The following GRIN2A variants were observed in gnomAD, a reference collection of about 807,000 sequenced individuals.
GRIN2A encodes glutamate receptor ionotropic, NMDA 2A.
GRIN2A carries 22 observed loss-of-function variants against 113.4 expected under a neutral mutation model. That is an observed-to-expected ratio of 0.19 (90% confidence interval 0.14 to 0.28). The LOEUF (loss-of-function observed/expected upper bound fraction) is 0.28. Among genes scored for constraint, GRIN2A ranks in the 10% least tolerant of loss-of-function variants. The pLI is 1.00. For synonymous variants in GRIN2A, 827 were observed against 738.4 expected, an observed-to-expected ratio of 1.12 and a Z score of -1.94; for missense variants, 1,502 against 1,887.0, an observed-to-expected ratio of 0.80 and a Z score of 3.78.
chr16:9,846,619 A>G (rs907940321), intron 5 of GRIN2A, among the ~76,000 whole-genome samples: 11 of 152,164 alleles, frequency 7.2e-5, no homozygotes, highest in African/African-American at 2.7e-4. Flanking sequence ...TTAATAAGTC[A>G]CATTCCCTAT....
In GRIN2A at chr16:10,113,829, A is replaced by C. The variant is rs188322757; in HGVS notation, c.414+66169T>G. Among the ~76,000 whole-genome samples the C allele has an allele frequency of 2.2e-4, 33 of 152,312 alleles. No individual in the cohort carries two copies. In the East Asian group the frequency reaches 5.6e-3, roughly 26 times the overall value. Reference sequence around the variant, plus strand: ...GACAGCGTTATTGAGTTGAAAATAAAATACACTCAGCATTATTTTTAACAA... The same window carrying C: ...GACAGCGTTATTGAGTTGAAAATAACATACACTCAGCATTATTTTTAACAA... On this transcript the variant is annotated intron_variant, in intron 2 of 12. Transcript: ENST00000330684.
At chr16:10,155,831 C>T (rs1393478675) in intron 2 of GRIN2A, among the ~76,000 whole-genome samples, 8 of 152,108 alleles carry the variant, frequency 5.3e-5, no homozygotes, top group South Asian at 4.2e-4. Context: ...TTCACTATCA[C>T]GAAAACAGCA....
At position 9,966,521 on chromosome 16, in the gene GRIN2A, T is replaced by C. The variant is rs534292898; in HGVS notation, c.415-27970A>G. 1.8e-4 allele frequency among the ~76,000 whole-genome samples: 27 copies of C among 152,336 alleles called. No homozygotes were observed. The East Asian group carries it at 5.2e-3, about 29-fold the overall frequency. On this transcript the variant is annotated intron_variant, in intron 2 of 12. Transcript: ENST00000330684. The stretch of plus-strand genomic sequence containing the variant: ...ACATTTTCTTGATCCACTCTATCAC[T>C]GATGGGCAAATATTTAGGTTGATTC...
chr16:10,129,462 G>C (rs752782032), intron 2 of GRIN2A, among the ~76,000 whole-genome samples: 4 of 152,186 alleles, frequency 2.6e-5, no homozygotes, highest in African/African-American at 9.6e-5. Context: ...AATGGCTAGA[G>C]TGGAGGCTAC....
At chr16:10,044,460 T>C (rs1304881018) in intron 2 of GRIN2A, among the ~76,000 whole-genome samples, 1 of 151,948 alleles carries the variant, frequency 6.6e-6, no homozygotes, top group African/African-American at 2.4e-5. Context: ...TTGATGTCTT[T>C]GCTGAGTCCT....
chr16:10,112,177 G>C (rs2048629511), intron 2 of GRIN2A: 1 of 584,930 alleles, frequency 1.7e-6, no homozygotes, highest in Non-Finnish European at 3.2e-6. Flanking sequence ...ACCTGGGTAG[G>C]CATCAACGTC....
intron 2 of GRIN2A, among the ~76,000 whole-genome samples, chr16:10,119,454 T>C (rs1230901367): frequency 6.6e-6 from 1 of 152,240 alleles, no homozygotes; most frequent in Non-Finnish European, 1.5e-5. Flanking sequence ...GCCTTAGTCA[T>C]CTCTGTAGCC....
chr16:10,179,893 C>CCCCAAACAAAAAAAAAAAA, intron 2 of GRIN2A, 105 bp downstream of exon 2: 1 of 719,816 alleles, frequency 1.4e-6, no homozygotes, highest in Non-Finnish European at 2.4e-6. Flanking sequence ...CCCCCACCCC[C>CCCCAAACAAAAAAAAAAAA]ACTTCACATC....
chr16:9,862,548 C>CT (rs2043089325), intron 4 of GRIN2A, among the ~76,000 whole-genome samples: 1 of 152,146 alleles, frequency 6.6e-6, no homozygotes, highest in Admixed American at 6.5e-5. Context: ...GCGGAAAAAT[C>CT]TTTGGAACAA....
intron 3 of GRIN2A, among the ~76,000 whole-genome samples, chr16:9,937,142 C>T (rs574436196): frequency 9.2e-5 from 14 of 152,068 alleles, no homozygotes; most frequent in Non-Finnish European, 1.9e-4. Flanking sequence ...ACCCCATTTA[C>T]CCTGATGTGA....
At chr16:9,951,087 T>C (rs1008528554) in intron 2 of GRIN2A, among the ~76,000 whole-genome samples, 1 of 152,008 alleles carries the variant, frequency 6.6e-6, no homozygotes, top group African/African-American at 2.4e-5. Context: ...ACCTGGTCAT[T>C]CTCCCATATA....
At chr16:10,111,465 C>A (rs1300775002) in intron 2 of GRIN2A, 2 of 616,924 alleles carry the variant, frequency 3.2e-6, no homozygotes, top group African/African-American at 1.8e-5. Context: ...TCGGCGCCAA[C>A]TGCCGCACCC....
intron 2 of GRIN2A, among the ~76,000 whole-genome samples, chr16:9,985,020 A>T (rs539287268): frequency 2.0e-4 from 30 of 152,288 alleles, no homozygotes; most frequent in African/African-American, 7.2e-4. Context: ...ACATGTGGAC[A>T]CACACTCATG....
chr16:10,074,204 A>T (rs1025967631), intron 2 of GRIN2A, among the ~76,000 whole-genome samples: 1 of 152,240 alleles, frequency 6.6e-6, no homozygotes, highest in Non-Finnish European at 1.5e-5. Flanking sequence ...CAGGATGGCT[A>T]AATTCAGAAG....
At chr16:10,158,234 G>A (rs1198769349) in intron 2 of GRIN2A, among the ~76,000 whole-genome samples, 3 of 152,120 alleles carry the variant, frequency 2.0e-5, no homozygotes, top group East Asian at 3.8e-4. Flanking sequence ...CAGACTCCTG[G>A]GCTCAAGAGA....
intron 2 of GRIN2A, among the ~76,000 whole-genome samples, chr16:10,175,459 TA>T (rs1416679097): frequency 1.3e-5 from 2 of 152,184 alleles, no homozygotes; most frequent in East Asian, 3.9e-4. Context: ...TAAAAGGAAA[TA>T]CACCAAAGTG....
chr16:9,988,080 C>T (rs903752924), intron 2 of GRIN2A, among the ~76,000 whole-genome samples: 1 of 152,100 alleles, frequency 6.6e-6, no homozygotes, highest in African/African-American at 2.4e-5. Flanking sequence ...GCCTCCAAAG[C>T]CCATATGGCT....
At chr16:10,115,474 T>C (rs953665527) in intron 2 of GRIN2A, among the ~76,000 whole-genome samples, 15 of 152,220 alleles carry the variant, frequency 9.9e-5, no homozygotes, top group African/African-American at 3.6e-4. Context: ...TGGAGGAGGA[T>C]AAGCAGAGCA....
intron 2 of GRIN2A, among the ~76,000 whole-genome samples, chr16:10,087,853 A>AG (rs2048111569): frequency 9.2e-6 from 1 of 108,466 alleles, no homozygotes; most frequent in Non-Finnish European, 1.8e-5. Flanking sequence ...TGCCCAGCTA[A>AG]TTTTTTTTTT....
Sources: allele counts gnomAD v4.1 joint callset (sites outside exome capture counted in the v4.1 genomes callset), GRCh38; gene constraint gnomAD v4.1.1; transcripts MANE v1.5; gene names NCBI Gene and HGNC (gene_info 2026-07-23, HGNC 2026-07-21).